Variants in SEC61A2 observed in about 807,000 individuals in gnomAD.
The protein encoded by SEC61A2 is protein transport protein Sec61 subunit alpha isoform 2.
Under a neutral mutation model 59.9 loss-of-function variants are expected in SEC61A2, and 28 were observed. The ratio of observed to expected loss-of-function variants is 0.47; its 90% CI spans 0.35 to 0.64. The LOEUF (loss-of-function observed/expected upper bound fraction) is 0.64. Among genes scored for constraint, SEC61A2 ranks in the 30% least tolerant of loss-of-function variants. SEC61A2 has a pLI of 0.01. For synonymous variants in SEC61A2, 202 were observed against 214.4 expected (o/e 0.94, Z 0.50); for missense variants, 340 against 585.9 (o/e 0.58, Z 4.33).
downstream of SEC61A2, chr10:12,167,977 TA>T (rs1834748678): frequency 7.8e-7 from 1 of 1,281,982 alleles, no homozygotes; most frequent in Non-Finnish European, 1.0e-6. Flanking sequence ...ATAAAGACTA[TA>T]AAGGCAAGAT....
intron 3 of SEC61A2, among the ~76,000 whole-genome samples, chr10:12,140,939 G>A (rs750540209): frequency 2.0e-5 from 3 of 149,360 alleles, no homozygotes; most frequent in Non-Finnish European, 4.5e-5. Flanking sequence ...TTGTTTTGTC[G>A]CCCAGGCTGG....
chr10:12,144,858 T>C (rs1205967964), intron 4 of SEC61A2, among the ~76,000 whole-genome samples: 3 of 152,082 alleles, frequency 2.0e-5, no homozygotes, highest in Admixed American at 2.0e-4. Flanking sequence ...CAGACCAGCC[T>C]AGGCAACAAA....
chr10:12,130,136 T>C (rs1217047970), intron 1 of SEC61A2, among the ~76,000 whole-genome samples: 1 of 152,204 alleles, frequency 6.6e-6, no homozygotes, highest in East Asian at 1.9e-4. Flanking sequence ...CCCGTGTTTT[T>C]ATTCCCTCGT....
chr10:12,155,985 A>G lies in SEC61A2; in HGVS notation c.616+54A>G. 2 of 1,595,674 alleles carry G rather than the reference A, an allele frequency of 1.3e-6. No homozygotes were observed. Among genetic ancestry groups the G allele is most frequent in the Non-Finnish European group, 1.7e-6 (2 of 1,163,746 alleles). On this transcript the variant is annotated intron_variant, in intron 7 of 11. Transcript: ENST00000298428. The surrounding 1 kb of genome is among the most constrained non-coding windows in gnomAD (Gnocchi z 4.3). ...GCGTTTTGCTGGATGTGTGCTGGGA[A>G]CAAACCCATCGTGTCGCAGTACATG...
Position 12,145,481 on chromosome 10 carries a change from A to T in SEC61A2, c.220+2286A>T, listed in dbSNP as rs1767146753. ...TTCTCTTTCAACAGTGGATATTATT[A>T]GTATTTTAGTCTTTGTTAGTCAGAG... On this transcript the variant is annotated intron_variant, in intron 4 of 11. Transcript: ENST00000298428. The surrounding 1 kb of genome is among the most constrained non-coding windows in gnomAD (Gnocchi z 4.4). Among the ~76,000 whole-genome samples the T allele has an allele frequency of 6.6e-6, 1 of 152,238 alleles. No individual in the cohort carries two copies. The highest frequency in any genetic ancestry group is 2.4e-5 in the African/African-American group (1 of 41,462).
At position 12,138,295 on chromosome 10, in the gene SEC61A2, A is replaced by G. The variant is rs190982156; in HGVS notation, c.141+2125A>G. ...AAAGAAACAAAGAAAAATACAAAGA[A>G]AAAAAAGAATAGTCATCCATATTTC... On this transcript the variant is annotated intron_variant, in intron 3 of 11. Coordinates refer to ENST00000298428, the MANE Select transcript of SEC61A2 (RefSeq NM_018144.4). Among the ~76,000 whole-genome samples the G allele has an allele frequency of 2.5e-3, 385 of 152,228 alleles. 1 individual carries two copies. The highest frequency in any genetic ancestry group is 8.9e-3 in the African/African-American group (370 of 41,548).
intron 3 of SEC61A2, among the ~76,000 whole-genome samples, chr10:12,139,961 T>C (rs1286230515): frequency 8.0e-6 from 1 of 125,570 alleles, no homozygotes; most frequent in African/African-American, 3.1e-5. Flanking sequence ...AGAGCGAGAC[T>C]CCATCTCAAA....
At chr10:12,151,590 G>A (rs1197413499) in intron 6 of SEC61A2, among the ~76,000 whole-genome samples, 1 of 151,452 alleles carries the variant, frequency 6.6e-6, no homozygotes, top group African/African-American at 2.4e-5. Flanking sequence ...GATTACAGGC[G>A]TGAGCCACTG....
chr10:12,149,984 A>G lies in SEC61A2; in HGVS notation c.462+23A>G, dbSNP rs373340085. On this transcript the variant is annotated intron_variant, in intron 6 of 11. Transcript: ENST00000298428. This position sits in a 1 kb window ranked among gnomAD's most constrained non-coding sequence, Gnocchi z 5.2. ...CAGGTAAGAAATCCTATATTTTCCT[A>G]TGCAGATAACAAAACAGTTTGATTC... 4 of 1,499,724 alleles carry G rather than the reference A, an allele frequency of 2.7e-6. No individual in the cohort carries two copies. Among genetic ancestry groups the G allele is most frequent in the Non-Finnish European group, 3.7e-6 (4 of 1,076,466 alleles). The allele number at this position is 1,499,724 out of a possible 1,614,324, so 92.9% of individuals were successfully genotyped here.
rs925725227 is a variant in SEC61A2, at chr10:12,155,078, T to A, written c.463-700T>A. On this transcript the variant is annotated intron_variant, in intron 6 of 11. Transcript: ENST00000298428. This position sits in a 1 kb window ranked among gnomAD's most constrained non-coding sequence, Gnocchi z 4.3. ...TCTTCTCCAAGAAGCAAGTTCAGAATTTTCAATATCCCATAAATTAAAGTC... is the reference window on the plus strand; with the variant it reads ...TCTTCTCCAAGAAGCAAGTTCAGAAATTTCAATATCCCATAAATTAAAGTC... Among the ~76,000 whole-genome samples, 2 of 152,186 alleles carry A rather than the reference T, an allele frequency of 1.3e-5. No homozygotes were observed. The highest frequency in any genetic ancestry group is 2.9e-5 in the Non-Finnish European group (2 of 68,020).
At position 12,153,759 on chromosome 10, in the gene SEC61A2, T is replaced by C. The variant is rs941784931; in HGVS notation, c.463-2019T>C. The C allele has an allele frequency of 1.2e-6, 2 of 1,611,290 alleles. No homozygotes were observed. Among genetic ancestry groups the C allele is most frequent in the Non-Finnish European group, 8.5e-7 (1 of 1,179,398 alleles). On this transcript the variant is annotated intron_variant, in intron 6 of 11. Transcript: ENST00000298428. The surrounding 1 kb of genome is among the most constrained non-coding windows in gnomAD (Gnocchi z 5.2). ...CAAGGCGTTACTAACATTGAAAATA[T>C]GTGGATACACTGAAGAGCTATGATT... is the stretch of plus-strand genomic sequence containing the variant.
Position 12,155,645 on chromosome 10 carries a change from C to A in SEC61A2, c.463-133C>A. The A allele has an allele frequency of 9.8e-7, 1 of 1,023,908 alleles. No individual in the cohort carries two copies. The highest frequency in any genetic ancestry group is 1.5e-6 in the Non-Finnish European group (1 of 679,572). 63.4% of individuals were successfully genotyped at this position (1,023,908 alleles called of 1,614,324 possible). ...AAGCAGGCCAAAAGATGCAGTTGGT[C>A]ATCACAGTGAGATTGCAACGATCAG... On this transcript the variant is annotated intron_variant, in intron 6 of 11. Coordinates refer to ENST00000298428, the MANE Select transcript of SEC61A2 (RefSeq NM_018144.4). This position sits in a 1 kb window ranked among gnomAD's most constrained non-coding sequence, Gnocchi z 4.3.
At chr10:12,136,730 A>G (rs927647326) in intron 3 of SEC61A2, among the ~76,000 whole-genome samples, 4 of 152,096 alleles carry the variant, frequency 2.6e-5, no homozygotes, top group African/African-American at 9.7e-5. Flanking sequence ...CCCCAGTTCA[A>G]GTGATTCTCC....
At position 12,165,098 on chromosome 10, in the gene SEC61A2, C is replaced by T; in HGVS notation, c.*644C>T. On this transcript the variant is annotated 3_prime_UTR_variant, in exon 12 of 12. Transcript: ENST00000298428. The stretch of plus-strand genomic sequence containing the variant: ...CTTTTCCTTCTCCTCCTCCTCTCTT[C>T]CCAGTGACAGCATCATCGTGCTGTT... The T allele has an allele frequency of 6.1e-6, 6 of 986,402 alleles. No homozygotes were observed. The highest frequency in any genetic ancestry group is 7.2e-6 in the Non-Finnish European group (6 of 830,288). The allele number at this position is 986,402 out of a possible 1,614,324, so 61.1% of individuals were successfully genotyped here. A position where few individuals can be genotyped will look rare whatever the true frequency, so the allele number is the denominator to read the frequency against.
chr10:12,165,127 C>G lies in SEC61A2; in HGVS notation c.*673C>G. On this transcript the variant is annotated 3_prime_UTR_variant, in exon 12 of 12. Transcript: ENST00000298428. ...GTGACAGCATCATCGTGCTGTTTGC[C>G]TGTATTGGCTATGCCTTCTAACTCC... 2 of 985,686 alleles carry G rather than the reference C, an allele frequency of 2.0e-6. No individual in the cohort carries two copies. The highest frequency in any genetic ancestry group is 2.4e-6 in the Non-Finnish European group (2 of 830,032). The allele number at this position is 985,686 out of a possible 1,614,324, so 61.1% of individuals were successfully genotyped here.
chr10:12,146,057 G>C (rs1342276658), intron 4 of SEC61A2, among the ~76,000 whole-genome samples: 1 of 152,124 alleles, frequency 6.6e-6, no homozygotes, highest in Non-Finnish European at 1.5e-5. Flanking sequence ...TTTCGCTCTT[G>C]TTGCCCAGGC....
intron 1 of SEC61A2, chr10:12,130,910 C>G (rs933855985): frequency 6.6e-6 from 1 of 152,266 alleles, no homozygotes; most frequent in Non-Finnish European, 1.5e-5. Flanking sequence ...CAGAGGCTCA[C>G]GCCTGTAATC....
chr10:12,129,726 G>T lies in SEC61A2; in HGVS notation c.-62G>T. Reference sequence around the variant, plus strand: ...GAGCCGGTACCGAGGCCCGAGCCGCGGGAGTCGAGCGAAGGCAGCGCCGAG... The same window carrying T: ...GAGCCGGTACCGAGGCCCGAGCCGCTGGAGTCGAGCGAAGGCAGCGCCGAG... On this transcript the variant is annotated 5_prime_UTR_variant, in exon 1 of 12. Transcript: ENST00000298428. This position sits in a 1 kb window ranked among gnomAD's most constrained non-coding sequence, Gnocchi z 5.6. 1.4e-6 allele frequency: 2 copies of T among 1,467,332 alleles called. No individual in the cohort carries two copies. Among genetic ancestry groups the T allele is most frequent in the Non-Finnish European group, 1.8e-6 (2 of 1,108,230 alleles). The allele number at this position is 1,467,332 out of a possible 1,614,324, so 90.9% of individuals were successfully genotyped here.
Position 12,129,883 on chromosome 10 carries a change from T to G in SEC61A2, c.7+89T>G. On this transcript the variant is annotated intron_variant, in intron 1 of 11. Coordinates refer to ENST00000298428, the MANE Select transcript of SEC61A2 (RefSeq NM_018144.4). The surrounding 1 kb of genome is among the most constrained non-coding windows in gnomAD (Gnocchi z 5.6). ...CGGTGGGGCTGGCGCTCGCTCGGAG[T>G]CGTGGGGGCCAGGGATGCGCGGGCC... 4 of 1,195,582 alleles carry G rather than the reference T, an allele frequency of 3.3e-6. No individual in the cohort carries two copies. Among genetic ancestry groups the G allele is most frequent in the Non-Finnish European group, 4.3e-6 (4 of 927,124 alleles). 74.1% of individuals were successfully genotyped at this position (1,195,582 alleles called of 1,614,324 possible).
Sources: gnomAD v4.1 joint callset for allele counts (sites outside exome capture counted in the v4.1 genomes callset) on GRCh38, gnomAD v4.1.1 for gene constraint, Gnocchi (gnomAD v3.1) non-coding constraint, MANE v1.5 for transcripts, NCBI Gene and HGNC (gene_info 2026-07-23, HGNC 2026-07-21) for gene names.